Variants in STT3A observed in about 807,000 individuals in gnomAD.
STT3A encodes the protein STT3 oligosaccharyltransferase complex catalytic subunit A.
STT3A carries 34 observed loss-of-function variants against 89.2 expected under a neutral mutation model. The ratio of observed to expected loss-of-function variants is 0.38; its 90% CI spans 0.29 to 0.51. STT3A has a LOEUF of 0.51. Among genes scored for constraint, STT3A ranks in the 20% least tolerant of loss-of-function variants. The pLI is 0.89. For synonymous variants in STT3A, 282 were observed against 310.3 expected (o/e 0.91, Z 0.96); for missense variants, 555 against 889.5 (o/e 0.62, Z 4.78).
chr11:125,592,594 C>T (rs543587647), upstream of STT3A: 277 of 425,784 alleles, frequency 6.5e-4, 1 homozygote, highest in Non-Finnish European at 8.2e-4. Context: ...GGCCCTCAAC[C>T]AAACTGCTTG....
At position 125,608,307 on chromosome 11, in the gene STT3A, C is replaced by T. The variant is rs1939896278; in HGVS notation, c.961+18C>T. On this transcript the variant is annotated intron_variant, in intron 9 of 17. Coordinates refer to ENST00000392708, the MANE Select transcript of STT3A (RefSeq NM_152713.5). ...GCTGACAGGTAGGGAAGGCTCACAG[C>T]TTTTTTCCTTTTTTCTTTTTTTTTA... 3.8e-6 allele frequency: 6 copies of T among 1,562,512 alleles called. No homozygotes were observed. Among genetic ancestry groups the T allele is most frequent in the East Asian group, 2.3e-5 (1 of 44,408 alleles).
At chr11:125,608,508 T>G (rs1162326259) in intron 9 of STT3A, 1 of 396,160 alleles carries the variant, frequency 2.5e-6, no homozygotes, top group Non-Finnish European at 4.5e-6. Flanking sequence ...GTATTTTTAG[T>G]AGAGACGGGG....
At chr11:125,607,089 A>G (rs931674786) in intron 8 of STT3A, among the ~76,000 whole-genome samples, 1 of 152,224 alleles carries the variant, frequency 6.6e-6, no homozygotes, top group African/African-American at 2.4e-5. Flanking sequence ...TAGAAACCGT[A>G]CTTCCAGTAC....
chr11:125,600,017 C>A (rs907889866), intron 3 of STT3A, among the ~76,000 whole-genome samples: 3 of 151,668 alleles, frequency 2.0e-5, no homozygotes, highest in Non-Finnish European at 4.4e-5. Context: ...GCATTAACTA[C>A]TACGCCGGCC....
chr11:125,592,453 C>T, upstream of STT3A: 1 of 456,286 alleles, frequency 2.2e-6, no homozygotes. Context: ...CTCCGCATTC[C>T]GAGTTACTGG....
chr11:125,598,879 A>T (rs1939582843), intron 3 of STT3A, among the ~76,000 whole-genome samples: 1 of 152,324 alleles, frequency 6.6e-6, no homozygotes, highest in South Asian at 2.1e-4. Flanking sequence ...AAGTACTGGC[A>T]TTACAGGTAT....
At chr11:125,610,028 G>C (rs1373487424) in intron 10 of STT3A, 1 of 150,274 alleles carries the variant, frequency 6.7e-6, no homozygotes, top group African/African-American at 2.5e-5. Context: ...GGTGTTAGTG[G>C]TCTTTTTCTC....
At chr11:125,592,793 C>T (rs954641440), upstream of STT3A, 1 of 210,836 alleles carries the variant, frequency 4.7e-6, no homozygotes, top group Non-Finnish European at 1.0e-5. Flanking sequence ...CAGAAGCGTC[C>T]TATTGGCCTG....
chr11:125,614,755 A>G lies in STT3A; in HGVS notation c.1774+329A>G, dbSNP rs1355728192. Among the ~76,000 whole-genome samples, 1 of 152,094 alleles carries G rather than the reference A, an allele frequency of 6.6e-6. No individual in the cohort carries two copies. The highest frequency in any genetic ancestry group is 2.1e-4 in the South Asian group (1 of 4,822). ...GAATTAGCATTTTTTTAGTGGTTTT[A>G]AGCCATATAATCATTGACCAGCTTA... On this transcript the variant is annotated intron_variant, in intron 15 of 17. Transcript: ENST00000392708. This position sits in a 1 kb window ranked among gnomAD's most constrained non-coding sequence, Gnocchi z 4.9.
Position 125,620,985 on chromosome 11 carries a change from T to C in STT3A, c.*175T>C, listed in dbSNP as rs936452265. 3 of 492,572 alleles carry C rather than the reference T, an allele frequency of 6.1e-6. No homozygotes were observed. Among genetic ancestry groups the C allele is most frequent in the African/African-American group, 4.0e-5 (2 of 50,578 alleles). 30.5% of individuals were successfully genotyped at this position (492,572 alleles called of 1,614,324 possible). A position where few individuals can be genotyped will look rare whatever the true frequency, so the allele number is the denominator to read the frequency against. On this transcript the variant is annotated 3_prime_UTR_variant, in exon 18 of 18. Transcript: ENST00000392708. ...TGGGCTGGGCCAAATGAAATGATTT[T>C]TATAATTCTAAACAGGTTACCAAAT...
rs1048991136 is a variant in STT3A, at chr11:125,601,563, C to T, written c.150-740C>T. ...GCTTGAACTCCGTAGGCAGAGGTTG[C>T]AGTGAGCCGAGATCGTGCCATTGTG... On this transcript the variant is annotated intron_variant, in intron 3 of 17. Coordinates refer to ENST00000392708, the MANE Select transcript of STT3A (RefSeq NM_152713.5). 1.8e-4 allele frequency among the ~76,000 whole-genome samples: 28 copies of T among 151,952 alleles called. 1 individual carries two copies. The highest frequency in any genetic ancestry group is 6.3e-4 in the African/African-American group (26 of 41,478).
intron 9 of STT3A, 162 bp from the exon 10 acceptor site, chr11:125,609,272 A>G (rs1195162675): frequency 1.4e-5 from 11 of 795,844 alleles, no homozygotes; most frequent in Non-Finnish European, 1.9e-5. Flanking sequence ...GGTTTGAAAG[A>G]AAGGAAGGAG....
chr11:125,620,491 G>T (rs1940316639), intron 17 of STT3A, among the ~76,000 whole-genome samples: 1 of 152,188 alleles, frequency 6.6e-6, no homozygotes. Flanking sequence ...GGTATATAGA[G>T]TCATATAGAA....
rs752773671 is a variant in STT3A at position 125,595,945 on chromosome 11, C to T, written c.30C>T (p.Ser10=). 2 of 1,613,858 alleles carry T rather than the reference C, an allele frequency of 1.2e-6. No homozygotes were observed. The highest frequency in any genetic ancestry group is 8.5e-7 in the Non-Finnish European group (1 of 1,179,882). Residue 10 remains serine (S), a synonymous_variant, in exon 2 of 18, where the codon TCC becomes TCT. Coordinates refer to ENST00000392708, the MANE Select transcript of STT3A (RefSeq NM_152713.5). MTKFGFLRL[S]YEKQDTLLKL... is the part of the protein sequence containing the mutation. ...CTAAGTTTGGATTTTTGCGATTGTC[C>T]TATGAGAAGCAGGACACACTTTTGA...
chr11:125,617,754 C>T (rs1359169668), intron 15 of STT3A, among the ~76,000 whole-genome samples: 1 of 152,200 alleles, frequency 6.6e-6, no homozygotes, highest in African/African-American at 2.4e-5. Context: ...GGTAAAGCTA[C>T]TACTCTTTAG....
At chr11:125,592,473 C>G (rs915386963), upstream of STT3A, 1 of 456,162 alleles carries the variant, frequency 2.2e-6, no homozygotes, top group Non-Finnish European at 4.4e-6. Context: ...GGACTTGGAG[C>G]AAGGGCCTAT....
rs1378446346 is a variant in STT3A at position 125,609,564 on chromosome 11, G to T, written c.1092G>T (p.Leu364=). The change falls in exon 10 of 18, where the codon CTG becomes CTT. Residue 364 remains leucine (L), a synonymous_variant. Transcript: ENST00000392708. ...PTTWSSYYFD[L]QLLVFMFPVG... Reference sequence around the variant, plus strand: ...CCTGGTCCTCATACTATTTTGACCTGCAGCTCCTCGTCTTCATGTTTCCAG... The same window carrying T: ...CCTGGTCCTCATACTATTTTGACCTTCAGCTCCTCGTCTTCATGTTTCCAG... 4 of 1,613,166 alleles carry T rather than the reference G, an allele frequency of 2.5e-6. No individual in the cohort carries two copies. The South Asian group carries it at 3.3e-5, about 13-fold the overall frequency.
rs1940128940 is a variant in STT3A, at chr11:125,614,819, G to A, written c.1774+393G>A. On this transcript the variant is annotated intron_variant, in intron 15 of 17. Transcript: ENST00000392708. This position sits in a 1 kb window ranked among gnomAD's most constrained non-coding sequence, Gnocchi z 4.9. The stretch of plus-strand genomic sequence containing the variant: ...TGGCCTGACAGCGTGTAAAAAAAGA[G>A]AACATTTTATATATATATAAAATAT... Among the ~76,000 whole-genome samples, 1 of 151,188 alleles carries A rather than the reference G, an allele frequency of 6.6e-6. No homozygotes were observed. The highest frequency in any genetic ancestry group is 1.5e-5 in the Non-Finnish European group (1 of 67,844).
In STT3A at chr11:125,622,928, T is replaced by A. The variant is rs1244919413; in HGVS notation, c.*2118T>A. 6.6e-6 allele frequency: 1 copy of A among 151,840 alleles called. No homozygotes were observed. The highest frequency in any genetic ancestry group is 2.4e-5 in the African/African-American group (1 of 41,316). 9.4% of individuals were successfully genotyped at this position (151,840 alleles called of 1,614,324 possible). ...TCTGTCTCTACTAAAAATACAAAAA[T>A]TAGCTGGGTGTGGGGTACACACCCT... is the stretch of plus-strand genomic sequence containing the variant. On this transcript the variant is annotated 3_prime_UTR_variant, in exon 18 of 18. Transcript: ENST00000392708.
Sources: gnomAD v4.1 joint callset for allele counts (sites outside exome capture counted in the v4.1 genomes callset) on GRCh38, gnomAD v4.1.1 for gene constraint, Gnocchi (gnomAD v3.1) non-coding constraint, MANE v1.5 for transcripts, NCBI Gene and HGNC (gene_info 2026-07-23, HGNC 2026-07-21) for gene names.